Variants in CKMT2 observed in about 807,000 individuals in gnomAD.
The protein encoded by CKMT2 is creatine kinase S-type, mitochondrial.
In CKMT2, 43 loss-of-function variants were observed where a neutral mutation model predicts 48.9. That is an observed-to-expected ratio of 0.88 (90% CI 0.69 to 1.13). CKMT2 has a LOEUF of 1.13. CKMT2 is among the 50% of genes most tolerant of loss of function. The pLI, the probability that CKMT2 is intolerant of heterozygous loss-of-function variation, is 0.00. For synonymous variants in CKMT2, 206 were observed against 213.0 expected (o/e 0.97, Z 0.29); for missense variants, 472 against 555.4 (o/e 0.85, Z 1.51).
At position 81,259,117 on chromosome 5, in the gene CKMT2, T is replaced by C. The variant is rs1473259401; in HGVS notation, c.880-3T>C. On this transcript the variant is annotated splice_polypyrimidine_tract_variant and splice_region_variant and intron_variant, in intron 7 of 9. Transcript: ENST00000254035. ...CATTTGTTCACTGTGGTTCTACTTG[T>C]AGGTAGAACGGTTAATCCAAGAACG... 1 of 1,611,090 alleles carries C rather than the reference T, an allele frequency of 6.2e-7. No homozygotes were observed. The highest frequency in any genetic ancestry group is 8.5e-7 in the Non-Finnish European group (1 of 1,178,462).
In CKMT2 at chr5:81,255,104, G is replaced by A. The variant is rs764953104; in HGVS notation, c.559G>A (p.Glu187Lys). 8.7e-6 allele frequency: 14 copies of A among 1,614,126 alleles called. No homozygotes were observed. The highest frequency in any genetic ancestry group is 1.3e-5 in the African/African-American group (1 of 75,068). Residue 187 changes from glutamate to lysine, a missense_variant, in exon 5 of 10, where the codon GAG (glutamate) becomes AAG (lysine). Glu to Lys is a moderately conservative substitution (Grantham distance 56). Coordinates refer to ENST00000254035, the MANE Select transcript of CKMT2 (RefSeq NM_001099735.2). Reference sequence around the variant, plus strand: ...AGCCTGCACCCGGGCCGAGCGAAGGGAGGTAGAGAACGTGGCCATCACTGC... The same window carrying A: ...AGCCTGCACCCGGGCCGAGCGAAGGAAGGTAGAGAACGTGGCCATCACTGC... ...PPACTRAERR[E>K]VENVAITALE... is the part of the protein sequence containing the mutation.
chr5:81,251,075 C>T, intron 1 of CKMT2, 38 bp from the exon 2 acceptor site: 1 of 1,570,404 alleles, frequency 6.4e-7, no homozygotes, highest in Non-Finnish European at 8.7e-7. Flanking sequence ...TCAGGGTCAT[C>T]CTATGAAGCT....
chr5:81,246,290 C>T (rs555646102), intron 1 of CKMT2, among the ~76,000 whole-genome samples: 2 of 151,938 alleles, frequency 1.3e-5, no homozygotes, highest in South Asian at 2.1e-4. Flanking sequence ...ACACCCTGCC[C>T]GTCCATCCTT....
intron 9 of CKMT2, among the ~76,000 whole-genome samples, chr5:81,264,672 T>C (rs1757333237): frequency 6.6e-6 from 1 of 152,188 alleles, no homozygotes; most frequent in South Asian, 2.1e-4. Flanking sequence ...ATTAACTAGA[T>C]ATTTATTACT....
At chr5:81,254,909 C>A in intron 4 of CKMT2, 84 bp from the exon 5 acceptor site, 1 of 1,122,096 alleles carries the variant, frequency 8.9e-7, no homozygotes, top group African/African-American at 1.5e-5. Flanking sequence ...AGGGAAACTG[C>A]AGATTGGCGA....
chr5:81,238,065 T>C (rs1011378569), intron 1 of CKMT2: 3 of 152,242 alleles, frequency 2.0e-5, no homozygotes, highest in African/African-American at 7.2e-5. Flanking sequence ...CTGGGCGTGG[T>C]GGCTCACACC....
At chr5:81,262,726 G>A (rs1168730381) in intron 8 of CKMT2, among the ~76,000 whole-genome samples, 1 of 152,118 alleles carries the variant, frequency 6.6e-6, no homozygotes, top group African/African-American at 2.4e-5. Context: ...TCACACTGTT[G>A]GTGGGAGTGT....
intron 1 of CKMT2, among the ~76,000 whole-genome samples, chr5:81,247,127 C>G (rs1406211264): frequency 6.6e-6 from 1 of 152,162 alleles, no homozygotes. Flanking sequence ...ATCCTGGCTG[C>G]TCTGGTTCCT....
intron 4 of CKMT2, 29 bp downstream of exon 4, chr5:81,254,520 A>G: frequency 6.3e-7 from 1 of 1,598,040 alleles, no homozygotes; most frequent in Non-Finnish European, 8.6e-7. Context: ...CTCCTTCCCC[A>G]CGAAGCTGGC....
chr5:81,248,005 G>T (rs1214982067), intron 1 of CKMT2, among the ~76,000 whole-genome samples: 2 of 152,148 alleles, frequency 1.3e-5, no homozygotes, highest in East Asian at 1.9e-4. Flanking sequence ...TTCCTTCCAG[G>T]AACTAAAATA....
At position 81,252,328 on chromosome 5, in the gene CKMT2, T is replaced by C. The variant is rs116033477; in HGVS notation, c.153-367T>C. On this transcript the variant is annotated intron_variant, in intron 2 of 9. Coordinates refer to ENST00000254035, the MANE Select transcript of CKMT2 (RefSeq NM_001099735.2). Reference sequence around the variant, plus strand: ...CAGCAACCCCCATGTACCTTGGGAATTCCTGAGGTGACATGACTTGTGTTT... The same window carrying C: ...CAGCAACCCCCATGTACCTTGGGAACTCCTGAGGTGACATGACTTGTGTTT... The C allele has an allele frequency of 9.0e-4, 225 of 248,632 alleles. 2 individuals carry two copies. The highest frequency in any genetic ancestry group is 4.8e-3 in the African/African-American group (215 of 44,546). 15.4% of individuals were successfully genotyped at this position (248,632 alleles called of 1,614,324 possible).
intron 3 of CKMT2, 74 bp from the exon 4 acceptor site, chr5:81,254,322 G>A: frequency 3.1e-6 from 4 of 1,291,154 alleles, no homozygotes; most frequent in East Asian, 4.6e-5. Context: ...AGATACAAGG[G>A]GCAAGTGAAT....
intron 9 of CKMT2, among the ~76,000 whole-genome samples, chr5:81,264,813 T>C (rs998367012): frequency 1.3e-5 from 2 of 152,136 alleles, no homozygotes; most frequent in Admixed American, 6.6e-5. Context: ...CTGATAACCA[T>C]TGTGAACATT....
chr5:81,239,894 A>G (rs1756378277), intron 1 of CKMT2, among the ~76,000 whole-genome samples: 1 of 152,212 alleles, frequency 6.6e-6, no homozygotes, highest in Admixed American at 6.5e-5. Flanking sequence ...CTCTCCCTGC[A>G]TCTGCTCACT....
At chr5:81,243,983 A>G (rs1054930970) in intron 1 of CKMT2, 1 of 973,438 alleles carries the variant, frequency 1.0e-6, no homozygotes, top group Non-Finnish European at 1.2e-6. Context: ...ATAAGCCACC[A>G]TGCCCAGTCC....
intron 4 of CKMT2, 153 bp from the exon 5 acceptor site, chr5:81,254,840 C>A: frequency 2.9e-6 from 2 of 683,866 alleles, no homozygotes; most frequent in Admixed American, 2.7e-5. Context: ...TGCCCCAAGA[C>A]TTCCGGAATG....
intron 1 of CKMT2, among the ~76,000 whole-genome samples, chr5:81,235,370 A>G (rs1358083729): frequency 6.6e-6 from 1 of 152,134 alleles, no homozygotes; most frequent in Non-Finnish European, 1.5e-5. Flanking sequence ...CATCGTGAGA[A>G]TTTGTTCAGA....
intron 8 of CKMT2, among the ~76,000 whole-genome samples, chr5:81,260,218 C>T (rs1388693519): frequency 2.6e-5 from 4 of 151,600 alleles, no homozygotes; most frequent in Non-Finnish European, 5.9e-5. Flanking sequence ...ACAGCTAAAG[C>T]AGTGTTTAGA....
At chr5:81,261,734 A>C (rs1440469517) in intron 8 of CKMT2, among the ~76,000 whole-genome samples, 2 of 152,256 alleles carry the variant, frequency 1.3e-5, no homozygotes, top group African/African-American at 4.8e-5. Context: ...GCTCATGGAT[A>C]GGAAGAATCA....
Sources: allele counts gnomAD v4.1 joint callset (sites outside exome capture counted in the v4.1 genomes callset), GRCh38; gene constraint gnomAD v4.1.1; transcripts MANE v1.5; gene names NCBI Gene and HGNC (gene_info 2026-07-23, HGNC 2026-07-21).